The following XXYLT1 variants were observed in gnomAD, a reference collection of about 807,000 sequenced individuals.
XXYLT1 encodes UDP-xylose:alpha-xyloside alpha-1,3-xylosyltransferase.
A neutral mutation model predicts 28.9 loss-of-function variants in XXYLT1; 20 were observed. That is an observed-to-expected ratio of 0.69 (90% CI 0.49 to 1.00). The LOEUF (loss-of-function observed/expected upper bound fraction) is 1.00. Ranked by LOEUF, XXYLT1 falls within the 50% of genes least tolerant of loss-of-function variation. XXYLT1 has a pLI of 0.00. For synonymous variants in XXYLT1, 257 were observed against 253.8 expected (o/e 1.01, Z -0.12); for missense variants, 542 against 560.1 (o/e 0.97, Z 0.33).
intron 3 of XXYLT1, among the ~76,000 whole-genome samples, chr3:195,120,283 T>C (rs1718282506): frequency 2.9e-5 from 2 of 68,668 alleles, no homozygotes; most frequent in African/African-American, 5.5e-5. Flanking sequence ...GCTGCTCAGA[T>C]GCCCCCCCCG....
intron 1 of XXYLT1, among the ~76,000 whole-genome samples, chr3:195,246,415 T>G (rs187696750): frequency 6.6e-6 from 1 of 152,210 alleles, no homozygotes; most frequent in Non-Finnish European, 1.5e-5. Context: ...ACGAAGACCG[T>G]GTAAGCACAG....
chr3:195,190,508 A>G (rs1423290464), intron 2 of XXYLT1, among the ~76,000 whole-genome samples: 1 of 151,414 alleles, frequency 6.6e-6, no homozygotes, highest in East Asian at 1.9e-4. Context: ...AAAAAAAAAA[A>G]AAAAAAAAAA....
intron 2 of XXYLT1, among the ~76,000 whole-genome samples, chr3:195,203,833 G>A (rs1475478696): frequency 6.6e-6 from 1 of 152,180 alleles, no homozygotes; most frequent in African/African-American, 2.4e-5. Flanking sequence ...GCAACTTGGG[G>A]ACACATTAGT....
At chr3:195,120,300 C>T (rs1718290909) in intron 3 of XXYLT1, among the ~76,000 whole-genome samples, 1 of 146,342 alleles carries the variant, frequency 6.8e-6, no homozygotes, top group African/African-American at 2.5e-5. Context: ...CCCGCCCCAG[C>T]CCCCATGGCC....
At chr3:195,126,164 C>T (rs1718609890) in intron 3 of XXYLT1, among the ~76,000 whole-genome samples, 1 of 152,162 alleles carries the variant, frequency 6.6e-6, no homozygotes, top group South Asian at 2.1e-4. Flanking sequence ...TTGAGTTCTA[C>T]CCCTAACACA....
intron 3 of XXYLT1, among the ~76,000 whole-genome samples, chr3:195,143,064 A>C (rs1160236402): frequency 6.6e-6 from 1 of 152,204 alleles, no homozygotes; most frequent in Admixed American, 6.5e-5. Flanking sequence ...ATTTCTGGAC[A>C]CGAATTATGC....
At chr3:195,138,346 A>T (rs761131397) in intron 3 of XXYLT1, among the ~76,000 whole-genome samples, 16 of 152,172 alleles carry the variant, frequency 1.1e-4, no homozygotes, top group Non-Finnish European at 2.1e-4. Flanking sequence ...TTGTGAGACT[A>T]GGAGGGGAGA....
intron 3 of XXYLT1, among the ~76,000 whole-genome samples, chr3:195,101,027 C>T (rs756058662): frequency 3.9e-5 from 6 of 152,284 alleles, no homozygotes; most frequent in Non-Finnish European, 7.3e-5. Flanking sequence ...CAGAGCGGCC[C>T]ACAGCCAAGG....
intron 1 of XXYLT1, among the ~76,000 whole-genome samples, chr3:195,261,943 A>T (rs1249072884): frequency 1.3e-5 from 2 of 152,202 alleles, no homozygotes; most frequent in African/African-American, 4.8e-5. Flanking sequence ...ATAGCTACTG[A>T]GTTTGGCAGT....
chr3:195,201,837 TGCTCCTCC>T (rs1722861790), intron 2 of XXYLT1, among the ~76,000 whole-genome samples: 1 of 152,160 alleles, frequency 6.6e-6, no homozygotes, highest in South Asian at 2.1e-4. Context: ...GCTGCTCCTC[TGCTCCTCC>T]CCTCCATCCG....
In XXYLT1 at chr3:195,240,069, T is replaced by C. The variant is rs1724712146; in HGVS notation, c.505-13213A>G. ...TTTTATTTTTAATTACTTCTGCATC[T>C]AAATTCAGTAATGACTGAGCTTTCT... On this transcript the variant is annotated intron_variant, in intron 1 of 3. Transcript: ENST00000310380. This position sits in a 1 kb window ranked among gnomAD's most constrained non-coding sequence, Gnocchi z 4.7. Among the ~76,000 whole-genome samples the C allele has an allele frequency of 6.6e-6, 1 of 152,280 alleles. No individual in the cohort carries two copies. Among genetic ancestry groups the C allele is most frequent in the Non-Finnish European group, 1.5e-5 (1 of 68,044 alleles).
rs1265838027 is a variant in XXYLT1 at position 195,077,714 on chromosome 3, C to A, written c.786-7603G>T. Among the ~76,000 whole-genome samples the A allele has an allele frequency of 6.6e-6, 1 of 152,200 alleles. No individual in the cohort carries two copies. Among genetic ancestry groups the A allele is most frequent in the Non-Finnish European group, 1.5e-5 (1 of 68,012 alleles). ...ACCTGGTGCAGGGCAGCCCTTCAGC[C>A]CCCTGCAGGCGTCCGTTTCTCCAGA... On this transcript the variant is annotated intron_variant, in intron 3 of 3. Coordinates refer to ENST00000310380, the MANE Select transcript of XXYLT1 (RefSeq NM_152531.5). The surrounding 1 kb of genome is among the most constrained non-coding windows in gnomAD (Gnocchi z 4.8).
At chr3:195,234,717 A>G (rs1295199873) in intron 1 of XXYLT1, among the ~76,000 whole-genome samples, 3 of 152,158 alleles carry the variant, frequency 2.0e-5, no homozygotes, top group Non-Finnish European at 4.4e-5. Flanking sequence ...TTCTCACCAA[A>G]AAGTCTGCTG....
At chr3:195,140,640 T>TGA (rs1054705964) in intron 3 of XXYLT1, among the ~76,000 whole-genome samples, 1 of 62,318 alleles carries the variant, frequency 1.6e-5, no homozygotes, top group Non-Finnish European at 3.2e-5. Flanking sequence ...GGAGAGAGAG[T>TGA]GAGAGAGAGA....
Position 195,270,823 on chromosome 3 carries a change from G to A in XXYLT1, c.236C>T (p.Ala79Val). 2 of 1,479,830 alleles carry A rather than the reference G, an allele frequency of 1.4e-6. No individual in the cohort carries two copies. The highest frequency in any genetic ancestry group is 9.0e-7 in the Non-Finnish European group (1 of 1,116,702). 91.7% of individuals were successfully genotyped at this position (1,479,830 alleles called of 1,614,324 possible). The change falls in exon 1 of 4, where the codon GCG (alanine) becomes GTG (valine). Residue 79 changes from alanine (A) to valine (V), a missense_variant. Ala to Val is a moderately conservative substitution (Grantham distance 64, BLOSUM62 0). Transcript: ENST00000310380. Reference sequence around the variant, plus strand: ...CTTGGCCTTCGCGCCGGGGGCTGGCGCCACGGAGCCCCGCGCTAGCTCCAG... The same window carrying A: ...CTTGGCCTTCGCGCCGGGGGCTGGCACCACGGAGCCCCGCGCTAGCTCCAG... Reference protein sequence around the residue: ...PALELARGSVAPAPGAKAKSL... With the variant: ...PALELARGSVVPAPGAKAKSL...
chr3:195,234,107 C>T (rs1377432209), intron 1 of XXYLT1, among the ~76,000 whole-genome samples: 10 of 149,926 alleles, frequency 6.7e-5, no homozygotes, highest in African/African-American at 1.7e-4. Flanking sequence ...TTAGTAGAGA[C>T]GGGGTTTCAC....
At chr3:195,131,092 C>T (rs1718886600) in intron 3 of XXYLT1, among the ~76,000 whole-genome samples, 1 of 151,664 alleles carries the variant, frequency 6.6e-6, no homozygotes, top group East Asian at 2.0e-4. Flanking sequence ...GGGACCCAAA[C>T]AGTGTTCTCC....
intron 2 of XXYLT1, among the ~76,000 whole-genome samples, chr3:195,223,824 A>G (rs1172799318): frequency 6.6e-6 from 1 of 152,196 alleles, no homozygotes; most frequent in Non-Finnish European, 1.5e-5. Context: ...GTAACTCCTA[A>G]TAACTGTTTT....
chr3:195,188,857 A>G (rs1440721900), intron 2 of XXYLT1, among the ~76,000 whole-genome samples: 2 of 152,230 alleles, frequency 1.3e-5, no homozygotes, highest in African/African-American at 2.4e-5. Flanking sequence ...TTTTGTGACA[A>G]CATGACAGAG....
Sources: gnomAD v4.1 joint callset for allele counts (sites outside exome capture counted in the v4.1 genomes callset) on GRCh38, gnomAD v4.1.1 for gene constraint, Gnocchi (gnomAD v3.1) non-coding constraint, MANE v1.5 for transcripts, NCBI Gene and HGNC (gene_info 2026-07-23, HGNC 2026-07-21) for gene names.